HNRNPA1L2: variants seen among roughly 807,000 people sequenced by gnomAD.
The protein encoded by HNRNPA1L2 is heterogeneous nuclear ribonucleoprotein A1 like 2, also known as heterogeneous nuclear ribonucleoprotein A1-like 2.
HNRNPA1L2 carries 10 observed loss-of-function variants against 18.2 expected under a neutral mutation model. The observed-to-expected ratio is 0.55, with a 90% confidence interval of 0.34 to 0.93. HNRNPA1L2 has a LOEUF of 0.93. Among genes scored for constraint, HNRNPA1L2 ranks in the 40% least tolerant of loss-of-function variants. The pLI, the probability that HNRNPA1L2 is intolerant of heterozygous loss-of-function variation, is 0.02. For missense variants in HNRNPA1L2, 308 were observed against 394.4 expected (o/e 0.78, Z 1.85); for synonymous variants, 124 against 138.6 (o/e 0.89, Z 0.74).
chr13:52,618,168 G>T, the HNRNPA1L2 span, among the ~76,000 whole-genome samples: 2 of 152,230 alleles, frequency 1.3e-5, no homozygotes, highest in African/African-American at 4.8e-5. Flanking sequence ...TAATTGCTGA[G>T]ATAGTGTATG....
chr13:52,639,612 G>T (rs2138078063), upstream of HNRNPA1L2, among the ~76,000 whole-genome samples: 1 of 144,744 alleles, frequency 6.9e-6, no homozygotes, highest in African/African-American at 2.6e-5. Flanking sequence ...GCCAGCTCCT[G>T]AATTTTTAAC....
chr13:52,620,526 A>G, the HNRNPA1L2 span, among the ~76,000 whole-genome samples: 3 of 152,240 alleles, frequency 2.0e-5, no homozygotes, highest in Non-Finnish European at 2.9e-5. Flanking sequence ...CTTGTTAGAA[A>G]TGCAAATTCT....
At position 52,642,432 on chromosome 13, in the gene HNRNPA1L2, T is replaced by C; in HGVS notation, c.-61T>C. Reference sequence around the variant, plus strand: ...TTCATATCTAAGATCTCTGGTGGACTTTTTCTGCCCGTGGACGCCGCTGAA... The same window carrying C: ...TTCATATCTAAGATCTCTGGTGGACCTTTTCTGCCCGTGGACGCCGCTGAA... On this transcript the variant is annotated 5_prime_UTR_variant, in exon 1 of 1. Coordinates refer to ENST00000357495, the MANE Select transcript of HNRNPA1L2 (RefSeq NM_001389320.1). 4 of 1,592,968 alleles carry C rather than the reference T, an allele frequency of 2.5e-6. No homozygotes were observed. The South Asian group carries it at 4.6e-5, about 18-fold the overall frequency.
chr13:52,629,921 C>T, the HNRNPA1L2 span, among the ~76,000 whole-genome samples: 3 of 152,164 alleles, frequency 2.0e-5, no homozygotes, highest in Non-Finnish European at 4.4e-5. Context: ...AACCCCATCT[C>T]TACTAAAAAT....
chr13:52,627,784 G>T, the HNRNPA1L2 span, among the ~76,000 whole-genome samples: 1 of 152,158 alleles, frequency 6.6e-6, no homozygotes, highest in Non-Finnish European at 1.5e-5. Context: ...CAATTGAATA[G>T]TTACTGTCCT....
upstream of HNRNPA1L2, among the ~76,000 whole-genome samples, chr13:52,639,884 T>TTTTGTTTTTTTTTTTTG (rs1566162101): frequency 1.7e-5 from 2 of 115,532 alleles, no homozygotes; most frequent in African/African-American, 6.0e-5. Flanking sequence ...TTGTTTTTTT[T>TTTTGTTTTTTTTTTTTG]TTTTTTTTTT....
upstream of HNRNPA1L2, among the ~76,000 whole-genome samples, chr13:52,639,131 A>G (rs1961559217): frequency 6.6e-6 from 1 of 152,184 alleles, no homozygotes; most frequent in South Asian, 2.1e-4. Context: ...GATAGTTGCA[A>G]AGGCGATGCA....
At chr13:52,629,625 T>A in the HNRNPA1L2 span, among the ~76,000 whole-genome samples, 1 of 152,230 alleles carries the variant, frequency 6.6e-6, no homozygotes, top group African/African-American at 2.4e-5. Context: ...TCCTTTGATT[T>A]AGAATAAATA....
At chr13:52,636,008 T>A in the HNRNPA1L2 span, among the ~76,000 whole-genome samples, 1 of 152,082 alleles carries the variant, frequency 6.6e-6, no homozygotes, top group African/African-American at 2.4e-5. Context: ...AGCTAATTTT[T>A]GTATTTTTAG....
At chr13:52,621,429 A>G in the HNRNPA1L2 span, among the ~76,000 whole-genome samples, 9,363 of 152,220 alleles carry the variant, frequency 0.062, 335 homozygotes, top group African/African-American at 0.095. Context: ...TTTTTGTATT[A>G]TTTAATTATA....
chr13:52,627,127 T>A, the HNRNPA1L2 span, among the ~76,000 whole-genome samples: 1 of 152,314 alleles, frequency 6.6e-6, no homozygotes, highest in South Asian at 2.1e-4. Context: ...GCCTTAATAT[T>A]TGCTTGCAAT....
chr13:52,627,912 A>T, the HNRNPA1L2 span, among the ~76,000 whole-genome samples: 1 of 152,060 alleles, frequency 6.6e-6, no homozygotes, highest in Non-Finnish European at 1.5e-5. Flanking sequence ...TCAGTTAAAT[A>T]GCTTGCTGGT....
At chr13:52,629,864 C>T in the HNRNPA1L2 span, among the ~76,000 whole-genome samples, 126 of 152,202 alleles carry the variant, frequency 8.3e-4, no homozygotes, top group Admixed American at 2.6e-3. Context: ...CCGAGGCAGG[C>T]GGATCACGAG....
At chr13:52,634,375 A>G in the HNRNPA1L2 span, among the ~76,000 whole-genome samples, 2 of 152,232 alleles carry the variant, frequency 1.3e-5, no homozygotes, top group African/African-American at 4.8e-5. Context: ...AGTTGGCAAG[A>G]AGGCATTTAA....
the HNRNPA1L2 span, chr13:52,629,388 T>A: frequency 4.5e-6 from 1 of 222,826 alleles, no homozygotes; most frequent in Non-Finnish European, 9.7e-6. Flanking sequence ...TGCTGGGTTT[T>A]GTTTGTATAG....
At chr13:52,637,627 A>T (rs1046026810), upstream of HNRNPA1L2, among the ~76,000 whole-genome samples, 3 of 152,226 alleles carry the variant, frequency 2.0e-5, no homozygotes, top group African/African-American at 7.2e-5. Context: ...TATGAAATTC[A>T]AAAACCAAAT....
chr13:52,632,166 G>A, the HNRNPA1L2 span, among the ~76,000 whole-genome samples: 15 of 152,248 alleles, frequency 9.9e-5, no homozygotes, highest in African/African-American at 2.6e-4. Flanking sequence ...AAAAATTAAT[G>A]CTAATTGAGC....
At chr13:52,624,999 C>A in the HNRNPA1L2 span, among the ~76,000 whole-genome samples, 36,757 of 151,008 alleles carry the variant, frequency 0.24, 5,539 homozygotes, top group Middle Eastern at 0.36. Flanking sequence ...CCAGTGCACT[C>A]CAGCATGGGC....
chr13:52,633,757 A>C, the HNRNPA1L2 span, among the ~76,000 whole-genome samples: 2 of 152,280 alleles, frequency 1.3e-5, no homozygotes, highest in South Asian at 4.2e-4. Flanking sequence ...TGCTGCAATG[A>C]GTTACAATTG....
Sources: gnomAD v4.1 joint callset for allele counts (sites outside exome capture counted in the v4.1 genomes callset) on GRCh38, gnomAD v4.1.1 for gene constraint, MANE v1.5 for transcripts, NCBI Gene and HGNC (gene_info 2026-07-23, HGNC 2026-07-21) for gene names.